Variants in ZNF182 observed in about 807,000 individuals in gnomAD.
ZNF182 encodes the protein zinc finger protein 182.
In ZNF182, 10 loss-of-function variants were observed where a neutral mutation model predicts 28.1. That is an observed-to-expected ratio of 0.36 (90% CI 0.22 to 0.60). The LOEUF is 0.60. ZNF182 is among the 20% of genes least tolerant of loss of function. The pLI is 0.75. For synonymous variants in ZNF182, 156 were observed against 158.7 expected (o/e 0.98, Z 0.13); for missense variants, 352 against 453.2 (o/e 0.78, Z 2.03).
At position 47,976,348 on chromosome X, in the gene ZNF182, CG is replaced by C; in HGVS notation, c.1681del (p.Arg561GlufsTer72). 8.3e-7 allele frequency: 1 copy of C among 1,207,090 alleles called. No individual in the cohort carries two copies. Among genetic ancestry groups the C allele is most frequent in the Non-Finnish European group, 1.1e-6 (1 of 893,702 alleles). ...YACTECGKAF[R>X]EKSTFTVHQR... ...ATGTACAGTGAATGTTGACTTTTCT[CG>C]GAAGGCTTTGCCACACTCAGTGCAT... On this transcript the variant is annotated frameshift_variant, in exon 6 of 6. Coordinates refer to ENST00000376943, the MANE Select transcript of ZNF182 (RefSeq NM_001007088.2). LOFTEE classifies it high-confidence loss of function.
Position 47,977,508 on chromosome X carries a change from A to G in ZNF182, c.522T>C (p.His174=). Residue 174 remains histidine, a synonymous_variant, in exon 6 of 6, where the codon CAT becomes CAC. Coordinates refer to ENST00000376943, the MANE Select transcript of ZNF182 (RefSeq NM_001007088.2). ...YDNGCAKLFF[H]TEYEKTNPGM... ...CAGGATTTGTTTTCTCATACTCAGT[A>G]TGGAAGAACAATTTTGCACATCCAT... 8.3e-7 allele frequency: 1 copy of G among 1,211,153 alleles called. No individual in the cohort carries two copies. The highest frequency in any genetic ancestry group is 1.1e-6 in the Non-Finnish European group (1 of 895,342).
In ZNF182 at chrX:47,976,915, A is replaced by G; in HGVS notation, c.1115T>C (p.Ile372Thr). The stretch of plus-strand genomic sequence containing the variant: ...CTCTCCCGTATGAGTTCTCTGGTGT[A>G]TAATGAGAGTTGACTTATCACTGAA... ...KTFSDKSTLI[I>T]HQRTHTGEKP... Residue 372 changes from isoleucine to threonine, a missense_variant, in exon 6 of 6, where the codon ATA (isoleucine) becomes ACA (threonine). By Grantham distance (89) the Ile-to-Thr change is moderately conservative (BLOSUM62 -1). Coordinates refer to ENST00000376943, the MANE Select transcript of ZNF182 (RefSeq NM_001007088.2). The G allele has an allele frequency of 8.3e-7, 1 of 1,210,428 alleles. No homozygotes were observed. Among genetic ancestry groups the G allele is most frequent in the Non-Finnish European group, 1.1e-6 (1 of 895,112 alleles).
intron 2 of ZNF182, 33 bp downstream of exon 2, chrX:48,003,475 A>T (rs1484934564): frequency 3.6e-5 from 4 of 111,809 alleles, no homozygotes; most frequent in African/African-American, 1.3e-4. Context: ...GTCAGGTGAG[A>T]CCTCGCAGGT....
chrX:47,984,748 C>A (rs1483625486), intron 3 of ZNF182, among the ~76,000 whole-genome samples: 3 of 111,908 alleles, frequency 2.7e-5, no homozygotes, highest in Non-Finnish European at 5.6e-5. Context: ...AAGAAAATAT[C>A]TGCAAATCAA....
At chrX:47,981,393 G>A (rs782423398) in intron 5 of ZNF182, among the ~76,000 whole-genome samples, 4 of 111,879 alleles carry the variant, frequency 3.6e-5, no homozygotes, top group Non-Finnish European at 7.5e-5. Context: ...ATAAGACAAT[G>A]GATTAAAACA....
At chrX:47,984,021 G>C (rs1235306136) in intron 3 of ZNF182, among the ~76,000 whole-genome samples, 1 of 111,560 alleles carries the variant, frequency 9.0e-6, no homozygotes, top group African/African-American at 3.3e-5. Flanking sequence ...GGAAATTGCT[G>C]GCAATATTCA....
chrX:47,998,290 T>C (rs1556901391), intron 3 of ZNF182, among the ~76,000 whole-genome samples: 1 of 110,399 alleles, frequency 9.1e-6, no homozygotes, highest in African/African-American at 3.3e-5. Flanking sequence ...CATGGAACAT[T>C]CACCAAGAAA....
In ZNF182 at chrX:47,983,400, T is replaced by C; in HGVS notation, c.27A>G (p.Thr9=). 2.5e-6 allele frequency: 3 copies of C among 1,208,945 alleles called. No homozygotes were observed. Among genetic ancestry groups the C allele is most frequent in the Non-Finnish European group, 3.4e-6 (3 of 894,403 alleles). The change falls in exon 4 of 6, where the codon ACA becomes ACG. Residue 9 remains threonine (T), a synonymous_variant. Coordinates refer to ENST00000376943, the MANE Select transcript of ZNF182 (RefSeq NM_001007088.2). ...TGAAATCCACAGCTACATCTTCAAA[T>C]GTCACTAGCCCCTGTAATGGTACAT... MAKPQGLV[T]FEDVAVDFTQ...
At chrX:47,984,736 G>A (rs1250292667) in intron 3 of ZNF182, among the ~76,000 whole-genome samples, 1 of 111,775 alleles carries the variant, frequency 8.9e-6, no homozygotes, top group Non-Finnish European at 1.9e-5. Flanking sequence ...GACACAGAAT[G>A]GAAGAAAATA....
At chrX:47,983,985 A>G (rs1406902826) in intron 3 of ZNF182, among the ~76,000 whole-genome samples, 2 of 112,100 alleles carry the variant, frequency 1.8e-5, no homozygotes, top group African/African-American at 6.5e-5. Context: ...CAAAAGTACT[A>G]CAATGAAAAG....
At position 47,982,949 on chromosome X, in the gene ZNF182, C is replaced by T; in HGVS notation, c.232G>A (p.Glu78Lys). 8.3e-7 allele frequency: 1 copy of T among 1,210,103 alleles called. No individual in the cohort carries two copies. Among genetic ancestry groups the T allele is most frequent in the South Asian group, 1.8e-5 (1 of 56,934 alleles). ...GAGCCTGGGTCAAAATTCCACTTAC[C>T]TGGAAAGTTCCAAAATGGGATTTTT... Reference protein sequence around the residue: ...EGKIPFWNFPEVCQVDEQIER... With the variant: ...EGKIPFWNFPKVCQVDEQIER... The change falls in exon 5 of 6, where the codon GAA becomes AAA. Residue 78 changes from glutamate (E) to lysine (K), a missense_variant and splice_region_variant. Glu to Lys is a moderately conservative substitution (Grantham distance 56). Transcript: ENST00000376943.
intron 3 of ZNF182, among the ~76,000 whole-genome samples, chrX:47,985,969 C>A (rs1182675219): frequency 1.8e-5 from 2 of 111,870 alleles, no homozygotes; most frequent in Non-Finnish European, 3.8e-5. Flanking sequence ...AAGATGAAAT[C>A]AGTCTAATAC....
intron 3 of ZNF182, among the ~76,000 whole-genome samples, chrX:47,993,854 GAAAA>G (rs1167568841): frequency 1.9e-5 from 2 of 104,251 alleles, no homozygotes; most frequent in African/African-American, 3.5e-5. Flanking sequence ...AAAGAAAACT[GAAAA>G]AAAAAATGAA....
chrX:48,002,553 C>T (rs782302097), intron 3 of ZNF182, 42 bp downstream of exon 3: 9 of 1,205,045 alleles, frequency 7.5e-6, no homozygotes, highest in Non-Finnish European at 9.0e-6. Context: ...TCGTCACATC[C>T]ACAGTAAAAT....
At chrX:47,979,461 C>G (rs782136262) in intron 5 of ZNF182, among the ~76,000 whole-genome samples, 4 of 111,113 alleles carry the variant, frequency 3.6e-5, no homozygotes, top group Non-Finnish European at 5.7e-5. Flanking sequence ...CCTGGCTCAA[C>G]CTTTCACTTG....
At chrX:48,001,033 A>G (rs1476477739) in intron 3 of ZNF182, among the ~76,000 whole-genome samples, 1 of 112,601 alleles carries the variant, frequency 8.9e-6, no homozygotes, top group East Asian at 2.8e-4. Context: ...CATAAAAAAT[A>G]CTGACAATAC....
intron 3 of ZNF182, among the ~76,000 whole-genome samples, chrX:47,998,448 T>C (rs2058966774): frequency 8.9e-6 from 1 of 112,027 alleles, no homozygotes; most frequent in South Asian, 3.7e-4. Context: ...TAAACATCAT[T>C]CTTCTAAATA....
At chrX:47,998,616 G>T (rs782118549) in intron 3 of ZNF182, among the ~76,000 whole-genome samples, 1 of 112,430 alleles carries the variant, frequency 8.9e-6, no homozygotes, top group Non-Finnish European at 1.9e-5. Flanking sequence ...CAGCACTTTG[G>T]GAGGCCGAGG....
At chrX:47,997,884 C>T (rs2058964639) in intron 3 of ZNF182, among the ~76,000 whole-genome samples, 1 of 111,302 alleles carries the variant, frequency 9.0e-6, no homozygotes, top group South Asian at 3.7e-4. Flanking sequence ...TGAAGGGAAA[C>T]TGATGCAACT....
Sources: gnomAD v4.1 joint callset for allele counts (sites outside exome capture counted in the v4.1 genomes callset) on GRCh38, gnomAD v4.1.1 for gene constraint, MANE v1.5 for transcripts, NCBI Gene and HGNC (gene_info 2026-07-23, HGNC 2026-07-21) for gene names.